PCDH7: variants seen among roughly 807,000 people sequenced by gnomAD.
PCDH7 encodes protocadherin-7.
PCDH7 carries 17 observed loss-of-function variants against 58.9 expected under a neutral mutation model. The ratio of observed to expected loss-of-function variants is 0.29; its 90% CI spans 0.20 to 0.43. The LOEUF (loss-of-function observed/expected upper bound fraction) is 0.43, where lower values mean the gene tolerates loss of function less well. Ranked by LOEUF, PCDH7 falls within the 20% of genes least tolerant of loss-of-function variation. PCDH7 has a pLI of 1.00. For missense variants in PCDH7, 1,274 were observed against 1,441.0 expected (o/e 0.88, Z 1.88); for synonymous variants, 664 against 616.4 (o/e 1.08, Z -1.14).
chr4:30,983,093 G>A (rs182519909), intron 3 of PCDH7, among the ~76,000 whole-genome samples: 3 of 152,224 alleles, frequency 2.0e-5, no homozygotes, highest in Admixed American at 2.0e-4. Context: ...GGTAGCTGCA[G>A]GGGGCATCTT....
chr4:30,722,095 C>T lies in PCDH7; in HGVS notation c.673C>T (p.Arg225Trp). The change falls in exon 1 of 2, where the codon CGG becomes TGG. Residue 225 changes from arginine (R) to tryptophan (W), a missense_variant. This residue lies in a region of PCDH7 where 331 missense variants were observed against 303.2 expected (regional missense o/e 1.09). Transcript: ENST00000361762. The surrounding 1 kb of genome is among the most constrained non-coding windows in gnomAD (Gnocchi z 7.6). The stretch of plus-strand genomic sequence containing the variant: ...CGGCGGCTCGGGAGGCTCCAAGCGG[C>T]GGCTGGACGCATCAGAGGGCGGCGG... 7.4e-7 allele frequency: 1 copy of T among 1,353,480 alleles called. No homozygotes were observed. The highest frequency in any genetic ancestry group is 2.4e-4 in the Middle Eastern group (1 of 4,168). 83.8% of individuals were successfully genotyped at this position (1,353,480 alleles called of 1,614,324 possible). A position where few individuals can be genotyped will look rare whatever the true frequency, so the allele number is the denominator to read the frequency against.
At chr4:30,978,653 T>C (rs1309125245) in intron 3 of PCDH7, among the ~76,000 whole-genome samples, 1 of 152,174 alleles carries the variant, frequency 6.6e-6, no homozygotes, top group Non-Finnish European at 1.5e-5. Flanking sequence ...TAAAAGTTGT[T>C]GTGACTTTTA....
At position 31,025,178 on chromosome 4, in the gene PCDH7, T is replaced by C. The variant is rs191205004; in HGVS notation, c.*7+74963T>C. ...AAACTCACAATTCTGTGTCATTTTC[T>C]CTCAAGAGATATCCAAGAAAAGGAA... On this transcript the variant is annotated intron_variant, in intron 3 of 3. Transcript: ENST00000509759. Among the ~76,000 whole-genome samples the C allele has an allele frequency of 3.7e-3, 559 of 152,338 alleles. 1 individual carries two copies. Among genetic ancestry groups the C allele is most frequent in the Middle Eastern group, 6.8e-3 (2 of 294 alleles).
chr4:30,833,073 G>A (rs1730002436), intron 1 of PCDH7, among the ~76,000 whole-genome samples: 2 of 152,250 alleles, frequency 1.3e-5, no homozygotes, highest in South Asian at 4.1e-4. Context: ...TTAAGGATGG[G>A]AATATTCAAT....
chr4:31,067,881 G>A (rs1041690322), intron 3 of PCDH7, among the ~76,000 whole-genome samples: 6 of 151,902 alleles, frequency 3.9e-5, no homozygotes, highest in African/African-American at 1.4e-4. Context: ...AACAATGAGA[G>A]CGGCGCAATA....
rs151215642 is a variant in PCDH7 at position 31,078,988 on chromosome 4, A to C, written c.*8-63485A>C. Among the ~76,000 whole-genome samples, 135 of 152,014 alleles carry C rather than the reference A, an allele frequency of 8.9e-4. 2 individuals carry two copies. Among genetic ancestry groups the C allele is most frequent in the African/African-American group, 3.0e-3 (123 of 41,482 alleles). On this transcript the variant is annotated intron_variant, in intron 3 of 3. Coordinates refer to the PCDH7 transcript ENST00000509759. ...GTGGTCTGTTGACTCCAGTCGATAAATGAATCTGTGATAATTGGGTGTAGG... is the reference window on the plus strand; with the variant it reads ...GTGGTCTGTTGACTCCAGTCGATAACTGAATCTGTGATAATTGGGTGTAGG...
intron 3 of PCDH7, among the ~76,000 whole-genome samples, chr4:30,962,457 A>G (rs554849642): frequency 1.3e-5 from 2 of 152,268 alleles, no homozygotes; most frequent in South Asian, 2.1e-4. Context: ...GTATGTATGT[A>G]TGTTTCTAAT....
intron 2 of PCDH7, among the ~76,000 whole-genome samples, chr4:30,939,304 C>G (rs527898360): frequency 2.0e-5 from 3 of 152,224 alleles, no homozygotes; most frequent in African/African-American, 7.2e-5. Flanking sequence ...GCTTTTCATG[C>G]ACTTTCTCTC....
At position 31,094,265 on chromosome 4, in the gene PCDH7, G is replaced by A. The variant is rs148981487; in HGVS notation, c.*8-48208G>A. 7.6e-3 allele frequency among the ~76,000 whole-genome samples: 1,164 copies of A among 152,238 alleles called. 13 individuals carry two copies. The highest frequency in any genetic ancestry group is 0.027 in the African/African-American group (1,103 of 41,560). On this transcript the variant is annotated intron_variant, in intron 3 of 3. Transcript: ENST00000509759. ...AGGACCAAATATTTGTATTTGTGCA[G>A]ATCTCTGCAACAATCTCTAGAACAG... is the stretch of plus-strand genomic sequence containing the variant.
chr4:30,743,426 G>A (rs13104581), intron 1 of PCDH7, among the ~76,000 whole-genome samples: 55,368 of 151,356 alleles, frequency 0.37, 12,531 homozygotes, highest in Middle Eastern at 0.5. Context: ...TCAAAAAATG[G>A]CTTATTTCTT....
chr4:30,811,082 G>T (rs1202411944), intron 1 of PCDH7, among the ~76,000 whole-genome samples: 3 of 152,126 alleles, frequency 2.0e-5, no homozygotes, highest in Admixed American at 1.3e-4. Flanking sequence ...ATTGCTATTT[G>T]TCCATTTCAT....
At chr4:31,139,596 A>G (rs540450750) in intron 3 of PCDH7, among the ~76,000 whole-genome samples, 9 of 152,354 alleles carry the variant, frequency 5.9e-5, no homozygotes, top group Non-Finnish European at 1.5e-5. Context: ...GAAAAAATTC[A>G]TAATATATGC....
At position 31,071,462 on chromosome 4, in the gene PCDH7, G is replaced by T. The variant is rs1578715640; in HGVS notation, c.*8-71011G>T. The stretch of plus-strand genomic sequence containing the variant: ...GAGAGGGGGCAGCCTTTCATAAACT[G>T]AATAACGTTGAACATATATTTGACA... On this transcript the variant is annotated intron_variant, in intron 3 of 3. Coordinates refer to the PCDH7 transcript ENST00000509759. 2.0e-5 allele frequency among the ~76,000 whole-genome samples: 3 copies of T among 152,100 alleles called. No homozygotes were observed. In the East Asian group the frequency reaches 5.8e-4, roughly 29 times the overall value.
intron 3 of PCDH7, among the ~76,000 whole-genome samples, chr4:31,079,099 A>G (rs1349492280): frequency 6.6e-6 from 1 of 151,716 alleles, no homozygotes; most frequent in Non-Finnish European, 1.5e-5. Flanking sequence ...AATGTAAAAC[A>G]TTTAGAAGAT....
chr4:31,056,290 C>T (rs372029455), intron 3 of PCDH7, among the ~76,000 whole-genome samples: 8 of 151,336 alleles, frequency 5.3e-5, no homozygotes, highest in East Asian at 1.9e-4. Flanking sequence ...ATCATTTGAG[C>T]CGAGGAGGTC....
At chr4:30,733,978 T>C (rs915897605), downstream of PCDH7, among the ~76,000 whole-genome samples, 1 of 152,154 alleles carries the variant, frequency 6.6e-6, no homozygotes, top group African/African-American at 2.4e-5. Flanking sequence ...ACTGGACTTA[T>C]GAACTACAGC....
intron 2 of PCDH7, among the ~76,000 whole-genome samples, chr4:30,928,903 C>CT (rs1200362545): frequency 2.0e-5 from 3 of 151,408 alleles, no homozygotes; most frequent in African/African-American, 4.9e-5. Flanking sequence ...TTCTTTTTTC[C>CT]TTTTTTCATT....
chr4:30,902,049 C>A (rs1367099226), intron 1 of PCDH7, among the ~76,000 whole-genome samples: 2 of 152,226 alleles, frequency 1.3e-5, no homozygotes, highest in South Asian at 2.1e-4. Flanking sequence ...CTATAAAATG[C>A]AGAATAACAC....
At chr4:31,035,455 C>A (rs143849296) in intron 3 of PCDH7, among the ~76,000 whole-genome samples, 1 of 151,912 alleles carries the variant, frequency 6.6e-6, no homozygotes, top group Non-Finnish European at 1.5e-5. Flanking sequence ...GGTTTCACCA[C>A]GTTGGCCAGG....
Sources: gnomAD v4.1 joint callset for allele counts (sites outside exome capture counted in the v4.1 genomes callset) on GRCh38, gnomAD v4.1.1 for gene constraint, gnomAD v4.1.1 regional missense constraint, Gnocchi (gnomAD v3.1) non-coding constraint, MANE v1.5 for transcripts, NCBI Gene and HGNC (gene_info 2026-07-23, HGNC 2026-07-21) for gene names.